RABGAP1L: variants seen among roughly 807,000 people sequenced by gnomAD.
The protein encoded by RABGAP1L is rab GTPase-activating protein 1-like.
Under a neutral mutation model 137.7 loss-of-function variants are expected in RABGAP1L, and 63 were observed. That is an observed-to-expected ratio of 0.46 (90% CI 0.37 to 0.56). The LOEUF (loss-of-function observed/expected upper bound fraction) is 0.56, where lower values mean the gene tolerates loss of function less well. Ranked by LOEUF, RABGAP1L falls within the 20% of genes least tolerant of loss-of-function variation. The pLI, the probability that RABGAP1L is intolerant of heterozygous loss-of-function variation, is 0.00. For synonymous variants in RABGAP1L, 431 were observed against 433.7 expected, an observed-to-expected ratio of 0.99 and a Z score of 0.08; for missense variants, 1,095 against 1,244.0, an observed-to-expected ratio of 0.88 and a Z score of 1.80.
chr1:174,290,898 A>T lies in RABGAP1L; in HGVS notation c.1323+12119A>T, dbSNP rs925606746. ...TGCATCAGCCTCCCGAGTAGCTGGG[A>T]CTACAAGCATGTGCCACCACACCTG... On this transcript the variant is annotated intron_variant, in intron 10 of 25. Transcript: ENST00000681986. Among the ~76,000 whole-genome samples, 7 of 151,796 alleles carry T rather than the reference A, an allele frequency of 4.6e-5. No individual in the cohort carries two copies. The East Asian group carries it at 1.4e-3, about 29-fold the overall frequency.
chr1:174,651,434 G>C (rs1350637848), intron 14 of RABGAP1L, among the ~76,000 whole-genome samples: 1 of 152,072 alleles, frequency 6.6e-6, no homozygotes, highest in East Asian at 1.9e-4. Context: ...TGACAGTGGG[G>C]TGTTAAAGTC....
intron 17 of RABGAP1L, among the ~76,000 whole-genome samples, chr1:174,720,106 C>A (rs1214677993): frequency 6.6e-6 from 1 of 152,038 alleles, no homozygotes; most frequent in Non-Finnish European, 1.5e-5. Context: ...AGGTGTAAAT[C>A]TATAGATTAA....
chr1:174,709,990 AAC>A (rs1680357973), intron 17 of RABGAP1L, among the ~76,000 whole-genome samples: 1 of 152,260 alleles, frequency 6.6e-6, no homozygotes, highest in African/African-American at 2.4e-5. Flanking sequence ...GGAGCTGAAA[AAC>A]ACAGCACGAG....
intron 13 of RABGAP1L, among the ~76,000 whole-genome samples, chr1:174,611,311 G>C (rs1345739183): frequency 6.6e-6 from 1 of 151,770 alleles, no homozygotes; most frequent in Non-Finnish European, 1.5e-5. Flanking sequence ...ATTAAATAGG[G>C]AATCCTTTCC....
chr1:174,715,944 C>A (rs560864485), intron 17 of RABGAP1L, among the ~76,000 whole-genome samples: 1 of 152,198 alleles, frequency 6.6e-6, no homozygotes, highest in African/African-American at 2.4e-5. Flanking sequence ...TTTAAAGTTC[C>A]CCTCATCCCC....
At chr1:174,542,675 A>G (rs1665577330) in intron 13 of RABGAP1L, among the ~76,000 whole-genome samples, 2 of 151,808 alleles carry the variant, frequency 1.3e-5, no homozygotes, top group Non-Finnish European at 2.9e-5. Context: ...AGTTCTTTTA[A>G]TTGTGATGTT....
chr1:174,377,192 G>T (rs1028510107), intron 12 of RABGAP1L, among the ~76,000 whole-genome samples: 5 of 151,750 alleles, frequency 3.3e-5, no homozygotes, highest in Admixed American at 6.6e-5. Flanking sequence ...AGTAATCAAA[G>T]ACATCAAAGA....
chr1:174,839,716 T>C (rs16847563), intron 19 of RABGAP1L, among the ~76,000 whole-genome samples: 16,639 of 152,280 alleles, frequency 0.11, 991 homozygotes, highest in East Asian at 0.22. Context: ...GAAGCACTCA[T>C]CTTGGTGTGC....
intron 13 of RABGAP1L, among the ~76,000 whole-genome samples, chr1:174,505,246 AAT>A (rs1661712073): frequency 6.6e-6 from 1 of 152,192 alleles, no homozygotes; most frequent in Non-Finnish European, 1.5e-5. Context: ...GAAAAGCTAT[AAT>A]ATGATTTAAA....
intron 13 of RABGAP1L, among the ~76,000 whole-genome samples, chr1:174,587,385 T>C (rs55659406): frequency 0.063 from 9,453 of 151,232 alleles, 992 homozygotes; most frequent in African/African-American, 0.22. Flanking sequence ...ATGGCACATG[T>C]ATACATATGT....
chr1:174,649,595 G>C (rs972692179), intron 14 of RABGAP1L, among the ~76,000 whole-genome samples: 1 of 152,046 alleles, frequency 6.6e-6, no homozygotes, highest in African/African-American at 2.4e-5. Flanking sequence ...GCTTCCCTTT[G>C]TGGGTAACCC....
At chr1:174,639,872 A>T (rs1360994869) in intron 14 of RABGAP1L, among the ~76,000 whole-genome samples, 1 of 152,196 alleles carries the variant, frequency 6.6e-6, no homozygotes, top group Non-Finnish European at 1.5e-5. Flanking sequence ...TCATCAGTAC[A>T]TTCCCAGAGC....
intron 12 of RABGAP1L, among the ~76,000 whole-genome samples, chr1:174,385,348 G>A (rs998663229): frequency 2.6e-5 from 4 of 152,170 alleles, no homozygotes; most frequent in African/African-American, 9.7e-5. Context: ...CTCAAATATA[G>A]AAGAGAGATT....
chr1:174,483,655 C>T (rs759859145), intron 13 of RABGAP1L, among the ~76,000 whole-genome samples: 1 of 151,916 alleles, frequency 6.6e-6, no homozygotes, highest in Non-Finnish European at 1.5e-5. Flanking sequence ...GGTGAAACCT[C>T]GTCTCTACTA....
chr1:174,448,390 C>T lies in RABGAP1L; in HGVS notation c.1710+54245C>T, dbSNP rs1278817336. 6.2e-7 allele frequency: 1 copy of T among 1,613,400 alleles called. No homozygotes were observed. ...ATGCTGATCTTTTCGTTGGAGTTAG[C>T]TGCTTGGTTCCTACTCTGTCACTTC... On this transcript the variant is annotated intron_variant, in intron 13 of 25. Transcript: ENST00000681986. This position sits in a 1 kb window ranked among gnomAD's most constrained non-coding sequence, Gnocchi z 4.2.
chr1:174,614,187 G>T (rs1249068651), intron 13 of RABGAP1L, among the ~76,000 whole-genome samples: 1 of 152,134 alleles, frequency 6.6e-6, no homozygotes, highest in African/African-American at 2.4e-5. Context: ...ATTTTGCAGT[G>T]GCTGGTACCG....
intron 17 of RABGAP1L, among the ~76,000 whole-genome samples, chr1:174,745,138 A>G (rs867690025): frequency 6.6e-6 from 1 of 152,146 alleles, no homozygotes; most frequent in South Asian, 2.1e-4. Flanking sequence ...CATATCTACC[A>G]CTTTGGTGAT....
intron 19 of RABGAP1L, among the ~76,000 whole-genome samples, chr1:174,944,184 G>A (rs1378154032): frequency 2.0e-5 from 3 of 150,684 alleles, no homozygotes; most frequent in East Asian, 2.0e-4. Flanking sequence ...GGCTGAGGCC[G>A]GAGAATCGCT....
At chr1:174,618,310 G>A (rs918819372) in intron 13 of RABGAP1L, among the ~76,000 whole-genome samples, 4 of 152,156 alleles carry the variant, frequency 2.6e-5, no homozygotes, top group Non-Finnish European at 4.4e-5. Flanking sequence ...CTCCCAGCAC[G>A]CAGCTGGAGA....
Sources: gnomAD v4.1 joint callset for allele counts (sites outside exome capture counted in the v4.1 genomes callset) on GRCh38, gnomAD v4.1.1 for gene constraint, Gnocchi (gnomAD v3.1) non-coding constraint, MANE v1.5 for transcripts, NCBI Gene and HGNC (gene_info 2026-07-23, HGNC 2026-07-21) for gene names.